Variants in NELL2 observed in about 807,000 individuals in gnomAD.
NELL2 encodes the protein neural EGFL like 2, also known as protein kinase C-binding protein NELL2.
Under a neutral mutation model 109.6 loss-of-function variants are expected in NELL2, and 41 were observed. That is an observed-to-expected ratio of 0.37 (90% CI 0.29 to 0.49). NELL2 has a LOEUF of 0.49. NELL2 is among the 20% of genes least tolerant of loss of function. NELL2 has a pLI of 0.98. For missense variants in NELL2, 900 were observed against 1,008.3 expected (o/e 0.89, Z 1.45); for synonymous variants, 355 against 344.7 (o/e 1.03, Z -0.33).
At chr12:44,738,506 G>T (rs1592430791) in intron 9 of NELL2, among the ~76,000 whole-genome samples, 1 of 151,544 alleles carries the variant, frequency 6.6e-6, no homozygotes, top group South Asian at 2.1e-4. Flanking sequence ...TCCTGTTTGA[G>T]ACAAGATGGA....
intron 9 of NELL2, among the ~76,000 whole-genome samples, chr12:44,761,546 GA>G (rs1941126401): frequency 1.3e-5 from 2 of 152,092 alleles, no homozygotes; most frequent in South Asian, 4.1e-4. Flanking sequence ...TAAATGAAAA[GA>G]AATTATTATA....
At chr12:44,795,828 C>A (rs1942600574) in intron 3 of NELL2, among the ~76,000 whole-genome samples, 1 of 152,126 alleles carries the variant, frequency 6.6e-6, no homozygotes, top group Admixed American at 6.5e-5. Flanking sequence ...TTGCCACTTC[C>A]AGTGATTCCC....
intron 15 of NELL2, among the ~76,000 whole-genome samples, chr12:44,603,670 G>T (rs558403653): frequency 6.6e-6 from 1 of 152,220 alleles, no homozygotes; most frequent in Admixed American, 6.5e-5. Context: ...GGCTAAAAAA[G>T]AAGTCCATAA....
intron 9 of NELL2, among the ~76,000 whole-genome samples, chr12:44,739,508 C>T (rs1939826532): frequency 6.6e-6 from 1 of 151,998 alleles, no homozygotes; most frequent in Non-Finnish European, 1.5e-5. Context: ...AAGAATAGCT[C>T]CATATCTTAA....
At chr12:44,733,927 A>G (rs899661622) in intron 9 of NELL2, among the ~76,000 whole-genome samples, 2 of 152,040 alleles carry the variant, frequency 1.3e-5, no homozygotes, top group East Asian at 3.9e-4. Flanking sequence ...ATGGCACAGC[A>G]TAAAATCAGT....
intron 15 of NELL2, among the ~76,000 whole-genome samples, chr12:44,575,164 T>C (rs1041889407): frequency 1.3e-5 from 2 of 152,220 alleles, no homozygotes; most frequent in East Asian, 3.8e-4. Flanking sequence ...TAGTAGTCAG[T>C]AAAGCAAATA....
intron 19 of NELL2, among the ~76,000 whole-genome samples, chr12:44,512,256 C>T (rs1332466661): frequency 2.0e-5 from 3 of 151,958 alleles, no homozygotes; most frequent in Admixed American, 6.6e-5. Context: ...ATCAGGGAAA[C>T]GCAGGTCAAA....
intron 15 of NELL2, among the ~76,000 whole-genome samples, chr12:44,583,136 C>T (rs759022620): frequency 6.6e-6 from 1 of 152,048 alleles, no homozygotes; most frequent in Non-Finnish European, 1.5e-5. Flanking sequence ...CTAAAACATT[C>T]GGGTTATCCA....
intron 2 of NELL2, among the ~76,000 whole-genome samples, chr12:44,825,596 A>G (rs1386279506): frequency 2.7e-5 from 4 of 149,888 alleles, no homozygotes; most frequent in Admixed American, 2.6e-4. Context: ...AGTTTTCACC[A>G]TGTTAGCAAA....
intron 16 of NELL2, among the ~76,000 whole-genome samples, chr12:44,531,572 A>C (rs1353153827): frequency 6.6e-6 from 1 of 152,196 alleles, no homozygotes; most frequent in East Asian, 1.9e-4. Context: ...CAAGCTCCAG[A>C]GCTTGTCTGC....
intron 13 of NELL2, among the ~76,000 whole-genome samples, chr12:44,655,070 G>A (rs1947451929): frequency 6.6e-6 from 1 of 152,124 alleles, no homozygotes; most frequent in Admixed American, 6.6e-5. Context: ...TATTCCCCTA[G>A]GGGAGTTTTC....
intron 9 of NELL2, among the ~76,000 whole-genome samples, chr12:44,719,120 C>T (rs973906066): frequency 3.9e-5 from 6 of 152,098 alleles, no homozygotes; most frequent in African/African-American, 1.4e-4. Flanking sequence ...ACTTCATTTT[C>T]CCCCATTTTA....
chr12:44,916,230 A>C (rs1371155390), upstream of NELL2, among the ~76,000 whole-genome samples: 1 of 152,226 alleles, frequency 6.6e-6, no homozygotes, highest in Non-Finnish European at 1.5e-5. Flanking sequence ...TAAAGTTATG[A>C]ACATGAAGAA....
chr12:44,730,832 A>G (rs1294945051), intron 9 of NELL2, among the ~76,000 whole-genome samples: 1 of 152,082 alleles, frequency 6.6e-6, no homozygotes, highest in East Asian at 1.9e-4. Context: ...ACCTACTAAC[A>G]TAAGGGTTGT....
chr12:44,913,729 C>T lies in NELL2; in HGVS notation c.38+70G>A, dbSNP rs1327194165. ...CTGTTTGAAAATTCAGGTCACTATA[C>T]CCTCCTTAAAGAATTTTTAAAATGG... On this transcript the variant is annotated intron_variant, in intron 1 of 20. Coordinates refer to the NELL2 transcript ENST00000333837. The T allele has an allele frequency of 1.2e-5, 7 of 589,234 alleles. No homozygotes were observed. The East Asian group carries it at 2.6e-4, about 22-fold the overall frequency. 36.5% of individuals were successfully genotyped at this position (589,234 alleles called of 1,614,324 possible).
In NELL2 at chr12:44,508,283, A is replaced by C. The variant is rs908598317; in HGVS notation, c.*651T>G. ...GATACTCAGACTCACATGTGTTATA[A>C]GGTAAGAGAAATATTTATTTAATTT... On this transcript the variant is annotated 3_prime_UTR_variant, in exon 20 of 20. Transcript: ENST00000429094. 1.3e-5 allele frequency: 2 copies of C among 152,610 alleles called. No individual in the cohort carries two copies. Among genetic ancestry groups the C allele is most frequent in the African/African-American group, 4.8e-5 (2 of 41,448 alleles). The allele number at this position is 152,610 out of a possible 1,614,324, so 9.5% of individuals were successfully genotyped here.
chr12:44,538,076 C>T (rs1942372679), intron 15 of NELL2, among the ~76,000 whole-genome samples: 1 of 151,998 alleles, frequency 6.6e-6, no homozygotes, highest in Admixed American at 6.6e-5. Flanking sequence ...TTGATTAATC[C>T]TTACAAGAGT....
chr12:44,526,427 C>T (rs1941775077), intron 16 of NELL2, among the ~76,000 whole-genome samples: 1 of 152,150 alleles, frequency 6.6e-6, no homozygotes, highest in African/African-American at 2.4e-5. Context: ...GAAATTGAGA[C>T]ATAATACTGT....
At chr12:44,516,543 ACAATTAAGG>A (rs1941265884) in intron 19 of NELL2, among the ~76,000 whole-genome samples, 1 of 152,230 alleles carries the variant, frequency 6.6e-6, no homozygotes. Flanking sequence ...ATTTTAGTTT[ACAATTAAGG>A]TTCAATTATT....
Sources: allele counts gnomAD v4.1 joint callset (sites outside exome capture counted in the v4.1 genomes callset), GRCh38; gene constraint gnomAD v4.1.1; transcripts MANE v1.5; gene names NCBI Gene and HGNC (gene_info 2026-07-23, HGNC 2026-07-21).